TMEM117: variants seen among roughly 807,000 people sequenced by gnomAD.
TMEM117 encodes the protein transmembrane protein 117.
Under a neutral mutation model 52.4 loss-of-function variants are expected in TMEM117, and 27 were observed. The ratio of observed to expected loss-of-function variants is 0.51; its 90% CI spans 0.38 to 0.71. TMEM117 has a LOEUF of 0.71. TMEM117 is among the 30% of genes least tolerant of loss of function. The pLI is 0.00. For missense variants in TMEM117, 556 were observed against 630.5 expected (o/e 0.88, Z 1.26); for synonymous variants, 215 against 206.3 (o/e 1.04, Z -0.36).
intron 5 of TMEM117, among the ~76,000 whole-genome samples, chr12:44,253,238 T>A (rs1950216851): frequency 6.6e-6 from 1 of 152,216 alleles, no homozygotes; most frequent in Non-Finnish European, 1.5e-5. Context: ...AGATTTATTT[T>A]TTAAATTATA....
chr12:44,081,539 A>G (rs950819084), intron 3 of TMEM117, among the ~76,000 whole-genome samples: 2 of 152,032 alleles, frequency 1.3e-5, no homozygotes, highest in African/African-American at 4.8e-5. Flanking sequence ...ACATTTAAAA[A>G]CCTTATTTGT....
chr12:44,394,195 G>A (rs1005760531), downstream of TMEM117, among the ~76,000 whole-genome samples: 4 of 152,140 alleles, frequency 2.6e-5, no homozygotes, highest in Non-Finnish European at 5.9e-5. Flanking sequence ...CCATGAAGAT[G>A]TTTCCCTTGA....
intron 3 of TMEM117, among the ~76,000 whole-genome samples, chr12:44,035,278 G>T (rs1331738865): frequency 6.6e-6 from 1 of 152,156 alleles, no homozygotes; most frequent in Non-Finnish European, 1.5e-5. Context: ...AATCTGGATG[G>T]TCTCGTTTTT....
intron 4 of TMEM117, among the ~76,000 whole-genome samples, chr12:44,171,270 C>T (rs1218128264): frequency 6.6e-6 from 1 of 152,164 alleles, no homozygotes; most frequent in Non-Finnish European, 1.5e-5. Context: ...CCGCCTCGGC[C>T]TCCCAAAGTG....
At chr12:44,269,971 T>C (rs1208921532) in intron 5 of TMEM117, among the ~76,000 whole-genome samples, 4 of 152,118 alleles carry the variant, frequency 2.6e-5, no homozygotes, top group African/African-American at 4.8e-5. Context: ...TAGCTTTATC[T>C]TGGAATACCT....
chr12:44,382,604 C>A (rs920388853), intron 7 of TMEM117, among the ~76,000 whole-genome samples: 2 of 152,154 alleles, frequency 1.3e-5, no homozygotes, highest in African/African-American at 4.8e-5. Context: ...TAATGGTCAT[C>A]TAATTCAGTA....
Position 44,252,994 on chromosome 12 carries a change from G to A in TMEM117, c.608+41607G>A, listed in dbSNP as rs1447235793. Among the ~76,000 whole-genome samples, 3 of 152,112 alleles carry A rather than the reference G, an allele frequency of 2.0e-5. No individual in the cohort carries two copies. The East Asian group carries it at 5.8e-4, about 29-fold the overall frequency. ...AAAGAGGAGGAACAGAAAGGAGAAA[G>A]AGGAGAAAAAAAGGAAAAAAGCAAC... On this transcript the variant is annotated intron_variant, in intron 5 of 7. Coordinates refer to ENST00000266534, the MANE Select transcript of TMEM117 (RefSeq NM_032256.3).
intron 3 of TMEM117, among the ~76,000 whole-genome samples, chr12:44,022,012 G>A (rs1946463374): frequency 1.3e-5 from 2 of 152,118 alleles, no homozygotes; most frequent in South Asian, 4.1e-4. Context: ...AAAATAATAA[G>A]CCAGGTAGGT....
At chr12:43,826,699 G>A in the TMEM117 span, among the ~76,000 whole-genome samples, 3 of 152,132 alleles carry the variant, frequency 2.0e-5, no homozygotes, top group African/African-American at 7.2e-5. Context: ...TGGAAACTGA[G>A]GCCTACAACT....
At chr12:44,357,540 TC>T (rs1951667009) in intron 6 of TMEM117, among the ~76,000 whole-genome samples, 2 of 152,060 alleles carry the variant, frequency 1.3e-5, no homozygotes, top group African/African-American at 4.8e-5. Flanking sequence ...AGTAGAACAT[TC>T]TAAGTGTCAG....
Position 44,252,795 on chromosome 12 carries a change from C to T in TMEM117, c.608+41408C>T, listed in dbSNP as rs552300169. On this transcript the variant is annotated intron_variant, in intron 5 of 7. Transcript: ENST00000266534. ...CCACAGGACTGTGAAAAGTATCTAGCGGGATATTTTTGACACAGAGGAGGC... is the reference window on the plus strand; with the variant it reads ...CCACAGGACTGTGAAAAGTATCTAGTGGGATATTTTTGACACAGAGGAGGC... Among the ~76,000 whole-genome samples the T allele has an allele frequency of 4.6e-5, 7 of 152,188 alleles. No homozygotes were observed. The South Asian group carries it at 8.3e-4, about 18-fold the overall frequency.
chr12:44,185,689 A>C (rs148548652), intron 4 of TMEM117, among the ~76,000 whole-genome samples: 1 of 152,142 alleles, frequency 6.6e-6, no homozygotes, highest in African/African-American at 2.4e-5. Flanking sequence ...CACCATGTGC[A>C]ATGAATAGCA....
At chr12:44,070,694 G>A (rs765906688) in intron 3 of TMEM117, among the ~76,000 whole-genome samples, 33 of 152,192 alleles carry the variant, frequency 2.2e-4, no homozygotes, top group Non-Finnish European at 2.8e-4. Flanking sequence ...TGACAGGGCA[G>A]AGACTAACAC....
chr12:43,799,462 G>A, the TMEM117 span: 36 of 1,609,854 alleles, frequency 2.2e-5, no homozygotes, highest in Middle Eastern at 5.5e-4. Flanking sequence ...GGAAGATTGT[G>A]ACAGCAAGTA....
chr12:44,073,215 A>T (rs1009300731), intron 3 of TMEM117, among the ~76,000 whole-genome samples: 2 of 152,194 alleles, frequency 1.3e-5, no homozygotes, highest in Admixed American at 6.5e-5. Flanking sequence ...ATCATTTTTG[A>T]ACACTTATTG....
chr12:44,263,846 GTC>G, intron 5 of TMEM117: 1 of 152,090 alleles, frequency 6.6e-6, no homozygotes. Flanking sequence ...AAAATATACA[GTC>G]TCTTCACTTT....
chr12:44,205,711 A>C (rs1160172707), intron 4 of TMEM117, among the ~76,000 whole-genome samples: 1 of 152,214 alleles, frequency 6.6e-6, no homozygotes, highest in Admixed American at 6.5e-5. Context: ...AACCACAATA[A>C]GATACCATCT....
chr12:44,193,859 A>G (rs1043602167), intron 4 of TMEM117, among the ~76,000 whole-genome samples: 1 of 152,188 alleles, frequency 6.6e-6, no homozygotes, highest in African/African-American at 2.4e-5. Context: ...GGAACACACT[A>G]ACAAATCAGT....
chr12:44,392,841 G>T (rs184321615), downstream of TMEM117, among the ~76,000 whole-genome samples: 19 of 152,176 alleles, frequency 1.2e-4, no homozygotes, highest in African/African-American at 4.1e-4. Context: ...CCTGGGAGGG[G>T]AGAAGTGTTA....
Sources: allele counts gnomAD v4.1 joint callset (sites outside exome capture counted in the v4.1 genomes callset), GRCh38; gene constraint gnomAD v4.1.1; transcripts MANE v1.5; gene names NCBI Gene and HGNC (gene_info 2026-07-23, HGNC 2026-07-21).